CADM2: variants seen among roughly 807,000 people sequenced by gnomAD.
CADM2 encodes the protein immunoglobulin superfamily member 4D.
A neutral mutation model predicts 49.8 loss-of-function variants in CADM2; 12 were observed. The observed-to-expected ratio is 0.24, with a 90% CI of 0.15 to 0.39. The LOEUF is 0.39. Among genes scored for constraint, CADM2 ranks in the 10% least tolerant of loss-of-function variants. The pLI is 1.00. For missense variants in CADM2, 378 were observed against 492.3 expected (o/e 0.77, Z 2.20); for synonymous variants, 214 against 175.4 (o/e 1.22, Z -1.74).
At chr3:85,929,434 A>C (rs184614431) in intron 6 of CADM2, among the ~76,000 whole-genome samples, 25 of 152,176 alleles carry the variant, frequency 1.6e-4, no homozygotes, top group African/African-American at 5.8e-4. Context: ...TAAATCTAGT[A>C]GATAACTTGG....
At chr3:85,682,500 T>C (rs2066068044) in intron 1 of CADM2, among the ~76,000 whole-genome samples, 1 of 152,088 alleles carries the variant, frequency 6.6e-6, no homozygotes, top group Non-Finnish European at 1.5e-5. Flanking sequence ...TAAAAGAAGC[T>C]AGTTTCAGTG....
intron 3 of CADM2, among the ~76,000 whole-genome samples, chr3:85,865,830 C>CA (rs2075702535): frequency 6.6e-6 from 1 of 152,076 alleles, no homozygotes; most frequent in Non-Finnish European, 1.5e-5. Flanking sequence ...TATAATAAAT[C>CA]ATAGACATGG....
At chr3:85,955,070 T>G (rs989835296) in intron 7 of CADM2, among the ~76,000 whole-genome samples, 1 of 151,328 alleles carries the variant, frequency 6.6e-6, no homozygotes, top group Admixed American at 6.6e-5. Flanking sequence ...AGGCATAAAG[T>G]TACTGACTAT....
chr3:86,009,523 G>A (rs1247943701), intron 8 of CADM2, among the ~76,000 whole-genome samples: 4 of 151,492 alleles, frequency 2.6e-5, no homozygotes, highest in Non-Finnish European at 5.9e-5. Flanking sequence ...ATCGTATTTT[G>A]TTAAAACTTG....
chr3:85,001,635 A>G (rs1336828032), intron 1 of CADM2, among the ~76,000 whole-genome samples: 1 of 152,134 alleles, frequency 6.6e-6, no homozygotes, highest in Non-Finnish European at 1.5e-5. Flanking sequence ...TTTATCTTAT[A>G]GAAACGTTTT....
intron 1 of CADM2, among the ~76,000 whole-genome samples, chr3:85,549,812 AG>A (rs2107106912): frequency 1.1e-5 from 1 of 90,154 alleles, no homozygotes; most frequent in East Asian, 4.3e-4. Flanking sequence ...TTGTATTTTT[AG>A]TAGAGACGGG....
intron 1 of CADM2, among the ~76,000 whole-genome samples, chr3:85,117,176 G>A (rs1010620925): frequency 1.7e-4 from 26 of 151,980 alleles, no homozygotes; most frequent in Non-Finnish European, 2.9e-5. Context: ...AGCCAATATT[G>A]TGCCACTGCA....
chr3:85,152,470 G>C (rs769965962), intron 1 of CADM2, among the ~76,000 whole-genome samples: 2 of 152,092 alleles, frequency 1.3e-5, no homozygotes, highest in Admixed American at 6.6e-5. Context: ...TGCTTGAAAC[G>C]CTTCATCCCA....
intron 1 of CADM2, among the ~76,000 whole-genome samples, chr3:85,336,574 T>C (rs1180720824): frequency 3.3e-5 from 5 of 151,168 alleles, no homozygotes; most frequent in African/African-American, 1.2e-4. Context: ...AAATGTAAGA[T>C]TTATATTGTC....
At chr3:85,332,830 T>C (rs1036736433) in intron 1 of CADM2, among the ~76,000 whole-genome samples, 1 of 150,228 alleles carries the variant, frequency 6.7e-6, no homozygotes, top group Non-Finnish European at 1.5e-5. Flanking sequence ...CAAAAATCTG[T>C]GAACAAGGCT....
At chr3:85,725,842 C>T (rs1028809810) in intron 1 of CADM2, among the ~76,000 whole-genome samples, 12 of 151,990 alleles carry the variant, frequency 7.9e-5, no homozygotes, top group African/African-American at 2.9e-4. Context: ...AGAACTGATG[C>T]TTGCAATTTA....
chr3:85,337,913 A>G (rs757043106), intron 1 of CADM2, among the ~76,000 whole-genome samples: 1 of 151,624 alleles, frequency 6.6e-6, no homozygotes, highest in South Asian at 2.1e-4. Flanking sequence ...TCTTAGAATG[A>G]TTTCCATATT....
At chr3:85,826,851 G>A (rs1022206167) in intron 3 of CADM2, among the ~76,000 whole-genome samples, 2 of 151,780 alleles carry the variant, frequency 1.3e-5, no homozygotes, top group African/African-American at 2.4e-5. Flanking sequence ...TTGCAGAATC[G>A]GGCCTCTACT....
chr3:85,192,616 A>G, intron 1 of CADM2, among the ~76,000 whole-genome samples: 2 of 151,072 alleles, frequency 1.3e-5, no homozygotes, highest in South Asian at 4.2e-4. Flanking sequence ...ATATATATAT[A>G]TAAAGTTTAA....
At chr3:85,412,874 T>A (rs2035720083) in intron 1 of CADM2, among the ~76,000 whole-genome samples, 2 of 151,920 alleles carry the variant, frequency 1.3e-5, no homozygotes, top group East Asian at 3.9e-4. Flanking sequence ...ATGCTGATTT[T>A]AAAAATAGCC....
intron 1 of CADM2, among the ~76,000 whole-genome samples, chr3:85,541,791 ATATG>A (rs2061554823): frequency 7.1e-6 from 1 of 140,446 alleles, no homozygotes; most frequent in African/African-American, 2.7e-5. Flanking sequence ...ATATATATAT[ATATG>A]TATAGTGTTT....
chr3:85,353,046 T>C (rs948265945), intron 1 of CADM2, among the ~76,000 whole-genome samples: 1 of 152,162 alleles, frequency 6.6e-6, no homozygotes, highest in African/African-American at 2.4e-5. Flanking sequence ...TTTGAACATA[T>C]TCACTTGATC....
rs1254181119 is a variant in CADM2, at chr3:85,175,035, A to T, written c.61+215367A>T. ...AGTAAGTGAAAATATGATCAATATC[A>T]CTAGTCATTAGCAAAATGCAAAACA... On this transcript the variant is annotated intron_variant, in intron 1 of 9. Transcript: ENST00000383699. Among the ~76,000 whole-genome samples, 4 of 152,318 alleles carry T rather than the reference A, an allele frequency of 2.6e-5. No individual in the cohort carries two copies. In the East Asian group the frequency reaches 5.8e-4, roughly 22 times the overall value.
chr3:85,925,324 T>A (rs781483056), intron 6 of CADM2, among the ~76,000 whole-genome samples: 1 of 152,216 alleles, frequency 6.6e-6, no homozygotes, highest in Non-Finnish European at 1.5e-5. Flanking sequence ...GTGTCTTGTA[T>A]GCACAGTGAT....
Sources: allele counts gnomAD v4.1 joint callset (sites outside exome capture counted in the v4.1 genomes callset), GRCh38; gene constraint gnomAD v4.1.1; transcripts MANE v1.5; gene names NCBI Gene and HGNC (gene_info 2026-07-23, HGNC 2026-07-21).